OR2L2: variants seen among roughly 807,000 people sequenced by gnomAD.
OR2L2 encodes olfactory receptor family 2 subfamily L member 2.
For missense variants in OR2L2, 378 were observed against 375.2 expected, an observed-to-expected ratio of 1.01 and a Z score of -0.06; for synonymous variants, 156 against 135.4, an observed-to-expected ratio of 1.15 and a Z score of -1.06.
chr1:248,038,941 A>G lies in OR2L2; in HGVS notation c.674A>G (p.Tyr225Cys). The G allele has an allele frequency of 6.2e-7, 1 of 1,613,898 alleles. No homozygotes were observed. The highest frequency in any genetic ancestry group is 8.5e-7 in the Non-Finnish European group (1 of 1,179,964). ...CSYGRVLLAVYRMHSAEGRKK... is the reference protein window; with the variant it reads ...CSYGRVLLAVCRMHSAEGRKK... Reference sequence around the variant, plus strand: ...TATGGCCGGGTTCTCCTTGCTGTCTACCGCATGCACTCTGCAGAAGGGAGG... The same window carrying G: ...TATGGCCGGGTTCTCCTTGCTGTCTGCCGCATGCACTCTGCAGAAGGGAGG... The change falls in exon 3 of 3, where the codon TAC becomes TGC. Residue 225 changes from tyrosine (Y) to cysteine (C), a missense_variant. Transcript: ENST00000641771.
intron 1 of OR2L2, among the ~76,000 whole-genome samples, chr1:248,031,970 C>T (rs980832406): frequency 3.3e-5 from 5 of 151,878 alleles, no homozygotes; most frequent in Admixed American, 3.3e-4. Context: ...TCATCGACTG[C>T]CCTATATAAA....
At chr1:248,036,800 T>C (rs942694231) in intron 2 of OR2L2, among the ~76,000 whole-genome samples, 1 of 152,204 alleles carries the variant, frequency 6.6e-6, no homozygotes, top group East Asian at 1.9e-4. Context: ...AAATCCTGTC[T>C]TTTGAAGATG....
intron 1 of OR2L2, among the ~76,000 whole-genome samples, chr1:248,033,756 A>G (rs1311632217): frequency 6.6e-6 from 1 of 151,332 alleles, no homozygotes; most frequent in East Asian, 1.9e-4. Context: ...CTTTTCTTCT[A>G]TTGTTATACA....
intron 1 of OR2L2, among the ~76,000 whole-genome samples, chr1:248,034,196 G>T (rs938568752): frequency 6.6e-6 from 1 of 152,134 alleles, no homozygotes; most frequent in African/African-American, 2.4e-5. Context: ...CATGCTCATG[G>T]ATAGGTAGAA....
rs953428673 is a variant in OR2L2 at position 248,040,370 on chromosome 1, C to T, written c.*1164C>T. 4 of 152,358 alleles carry T rather than the reference C, an allele frequency of 2.6e-5. No individual in the cohort carries two copies. Among genetic ancestry groups the T allele is most frequent in the Admixed American group, 1.3e-4 (2 of 15,296 alleles). The allele number at this position is 152,358 out of a possible 1,614,324, so 9.4% of individuals were successfully genotyped here. ...TAGAATGAGCAAGTAAGAAGAGCCTCATATTATCCAAGTGACAGCAGTGGT... is the reference window on the plus strand; with the variant it reads ...TAGAATGAGCAAGTAAGAAGAGCCTTATATTATCCAAGTGACAGCAGTGGT... On this transcript the variant is annotated 3_prime_UTR_variant, in exon 3 of 3. Transcript: ENST00000641771.
At chr1:248,030,933 C>T (rs1662602256) in intron 1 of OR2L2, among the ~76,000 whole-genome samples, 1 of 152,156 alleles carries the variant, frequency 6.6e-6, no homozygotes, top group Non-Finnish European at 1.5e-5. Flanking sequence ...AAAATATCCT[C>T]AGAAATTTTT....
At position 248,033,609 on chromosome 1, in the gene OR2L2, GTTT is replaced by G. The variant is rs61098243; in HGVS notation, c.-96-1930_-96-1928del. 6.6e-5 allele frequency among the ~76,000 whole-genome samples: 9 copies of G among 136,200 alleles called. No individual in the cohort carries two copies. The South Asian group carries it at 1.4e-3, about 22-fold the overall frequency. The allele number at this position is 136,200 out of a possible 152,430, so 89.4% of individuals were successfully genotyped here. The stretch of plus-strand genomic sequence containing the variant: ...GAGCCACCACACCTGGCTAATTTTT[GTTT>G]TTTTTTTTTTGTACAGACAGGATTT... On this transcript the variant is annotated intron_variant, in intron 1 of 2. Coordinates refer to ENST00000641771, the MANE Select transcript of OR2L2 (RefSeq NM_001385855.1).
At position 248,041,326 on chromosome 1, in the gene OR2L2, ATCCCT is replaced by A. The variant is rs976492647; in HGVS notation, c.*2124_*2128del. 5 of 152,236 alleles carry A rather than the reference ATCCCT, an allele frequency of 3.3e-5. No individual in the cohort carries two copies. The highest frequency in any genetic ancestry group is 1.2e-4 in the African/African-American group (5 of 41,550). The allele number at this position is 152,236 out of a possible 1,614,324, so 9.4% of individuals were successfully genotyped here. ...GCCATATGTAAAAAGCTGAAACTGGATCCCTTCCTTACACCTTATACAAAAATCAA... is the reference window on the plus strand; with the variant it reads ...GCCATATGTAAAAAGCTGAAACTGGATCCTTACACCTTATACAAAAATCAA... On this transcript the variant is annotated 3_prime_UTR_variant, in exon 3 of 3. Coordinates refer to ENST00000641771, the MANE Select transcript of OR2L2 (RefSeq NM_001385855.1).
Position 248,041,586 on chromosome 1 carries a change from G to A in OR2L2, c.*2380G>A, listed in dbSNP as rs1427853578. ...AGTGAACAGGCAACCTACAGAATGG[G>A]AGAAAATTTTTGCAACCTACTCATC... On this transcript the variant is annotated 3_prime_UTR_variant, in exon 3 of 3. Coordinates refer to ENST00000641771, the MANE Select transcript of OR2L2 (RefSeq NM_001385855.1). 1 of 152,062 alleles carries A rather than the reference G, an allele frequency of 6.6e-6. No individual in the cohort carries two copies. Among genetic ancestry groups the A allele is most frequent in the Non-Finnish European group, 1.5e-5 (1 of 68,002 alleles). 9.4% of individuals were successfully genotyped at this position (152,062 alleles called of 1,614,324 possible).
intron 2 of OR2L2, among the ~76,000 whole-genome samples, chr1:248,037,355 C>T (rs1662792441): frequency 6.6e-6 from 1 of 152,152 alleles, no homozygotes; most frequent in Admixed American, 6.5e-5. Context: ...GAAAAATCAT[C>T]CAGAAAAAGT....
Position 248,038,326 on chromosome 1 carries a change from C to G in OR2L2, c.59C>G (p.Ser20Ter), listed in dbSNP as rs1662822873. The G allele has an allele frequency of 6.2e-7, 1 of 1,613,508 alleles. No homozygotes were observed. The highest frequency in any genetic ancestry group is 1.3e-5 in the African/African-American group (1 of 74,900). ...DFILLGLFPQ[S>*]RIGLFVFTLI... ...ATCTTATTGGGGCTGTTCCCACAAT[C>G]AAGAATTGGCCTTTTCGTATTCACC... is the stretch of plus-strand genomic sequence containing the variant. Residue 20 changes from serine to a stop codon, truncating the protein, a stop_gained, in exon 3 of 3, where the codon TCA becomes TGA. Coordinates refer to ENST00000641771, the MANE Select transcript of OR2L2 (RefSeq NM_001385855.1). LOFTEE classifies it low-confidence loss of function (END_TRUNC).
rs1050909629 is a variant in OR2L2 at position 248,041,865 on chromosome 1, T to A, written c.*2659T>A. 1.3e-5 allele frequency: 2 copies of A among 152,096 alleles called. No homozygotes were observed. Among genetic ancestry groups the A allele is most frequent in the African/African-American group, 4.8e-5 (2 of 41,402 alleles). The allele number at this position is 152,096 out of a possible 1,614,324, so 9.4% of individuals were successfully genotyped here. A position where few individuals can be genotyped will look rare whatever the true frequency, so the allele number is the denominator to read the frequency against. On this transcript the variant is annotated 3_prime_UTR_variant, in exon 3 of 3. Transcript: ENST00000641771. ...CATTAAAACGTCAGGAAACAACAGG[T>A]GCTGGAGAGGATGTGGAGAAAACAC...
Position 248,041,730 on chromosome 1 carries a change from ATT to A in OR2L2, c.*2526_*2527del, listed in dbSNP as rs1332688913. 5.3e-5 allele frequency: 8 copies of A among 152,218 alleles called. No homozygotes were observed. Among genetic ancestry groups the A allele is most frequent in the Non-Finnish European group, 1.0e-4 (7 of 68,048 alleles). The allele number at this position is 152,218 out of a possible 1,614,324, so 9.4% of individuals were successfully genotyped here. A position where few individuals can be genotyped will look rare whatever the true frequency, so the allele number is the denominator to read the frequency against. ...GAACAGACACTTCTCAAAAGAAGAC[ATT>A]TATGCAGCCAAAAAACACATGAAAA... On this transcript the variant is annotated 3_prime_UTR_variant, in exon 3 of 3. Transcript: ENST00000641771.
chr1:248,039,136 G>T lies in OR2L2; in HGVS notation c.869G>T (p.Ser290Ile). 1.9e-6 allele frequency: 3 copies of T among 1,613,896 alleles called. No individual in the cohort carries two copies. The highest frequency in any genetic ancestry group is 2.2e-5 in the East Asian group (1 of 44,870). The stretch of plus-strand genomic sequence containing the variant: ...CCAATGCTCAACCCCATCATCTACA[G>T]CCTGAGAAACAAGGAGGTGATGGGG... ...LTPMLNPIIYSLRNKEVMGAL... is the reference protein window; with the variant it reads ...LTPMLNPIIYILRNKEVMGAL... The change falls in exon 3 of 3, where the codon AGC (serine) becomes ATC (isoleucine). Residue 290 changes from serine to isoleucine, a missense_variant. Physicochemically the swap from Ser to Ile is moderately radical, Grantham distance 142. Transcript: ENST00000641771.
intron 2 of OR2L2, among the ~76,000 whole-genome samples, chr1:248,036,038 G>A (rs1662750909): frequency 6.6e-6 from 1 of 152,002 alleles, no homozygotes; most frequent in South Asian, 2.1e-4. Flanking sequence ...GAATTTTCAT[G>A]AAATATTTTA....
chr1:248,031,331 T>C (rs2103088048), intron 1 of OR2L2, among the ~76,000 whole-genome samples: 1 of 152,320 alleles, frequency 6.6e-6, no homozygotes, highest in Non-Finnish European at 1.5e-5. Flanking sequence ...TGAGATATTG[T>C]AACATCGCAG....
chr1:248,030,086 G>A lies in OR2L2; in HGVS notation c.-246G>A, dbSNP rs374052537. 3.9e-5 allele frequency: 6 copies of A among 152,188 alleles called. No individual in the cohort carries two copies. In the East Asian group the frequency reaches 5.8e-4, roughly 15 times the overall value. 9.4% of individuals were successfully genotyped at this position (152,188 alleles called of 1,614,324 possible). ...TTCCAATGAAGGTCTCTGAAATCTC[G>A]TGTGTAGGGAAGAAAAATGAATATA... On this transcript the variant is annotated 5_prime_UTR_variant, in exon 1 of 3. It adds an upstream start codon to the 5' untranslated region. Coordinates refer to ENST00000641771, the MANE Select transcript of OR2L2 (RefSeq NM_001385855.1).
intron 2 of OR2L2, among the ~76,000 whole-genome samples, chr1:248,036,977 C>T (rs1235937309): frequency 6.6e-6 from 1 of 152,088 alleles, no homozygotes; most frequent in Admixed American, 6.6e-5. Context: ...GAATATACAT[C>T]GTATACGGGG....
In OR2L2 at chr1:248,038,821, C is replaced by A. The variant is rs138290082; in HGVS notation, c.554C>A (p.Thr185Lys). 1 of 1,614,130 alleles carries A rather than the reference C, an allele frequency of 6.2e-7. No homozygotes were observed. The highest frequency in any genetic ancestry group is 1.7e-5 in the Admixed American group (1 of 60,016). The change falls in exon 3 of 3, where the codon ACG becomes AAG. Residue 185 changes from threonine (T) to lysine (K), a missense_variant. Transcript: ENST00000641771. Reference sequence around the variant, plus strand: ...TTCTGTGATGTTCCAGCTATGTTGACGCTAGCCTGCACAGACACTTGGGTC... The same window carrying A: ...TTCTGTGATGTTCCAGCTATGTTGAAGCTAGCCTGCACAGACACTTGGGTC... ...HFFCDVPAMLTLACTDTWVYE... is the reference protein window; with the variant it reads ...HFFCDVPAMLKLACTDTWVYE...
Sources: gnomAD v4.1 joint callset for allele counts (sites outside exome capture counted in the v4.1 genomes callset) on GRCh38, gnomAD v4.1.1 for gene constraint, MANE v1.5 for transcripts, NCBI Gene and HGNC (gene_info 2026-07-23, HGNC 2026-07-21) for gene names.